RBM6: variants seen among roughly 807,000 people sequenced by gnomAD.
The protein encoded by RBM6 is RNA binding motif protein 6, also known as RNA-binding protein 6.
A neutral mutation model predicts 140.4 loss-of-function variants in RBM6; 23 were observed. The ratio of observed to expected loss-of-function variants is 0.16; its 90% confidence interval spans 0.12 to 0.23. RBM6 has a LOEUF of 0.23. RBM6 is among the 10% of genes least tolerant of loss of function. The pLI, the probability that RBM6 is intolerant of heterozygous loss-of-function variation, is 1.00. For synonymous variants in RBM6, 439 were observed against 475.6 expected, an observed-to-expected ratio of 0.92 and a Z score of 1.00; for missense variants, 1,139 against 1,386.7, an observed-to-expected ratio of 0.82 and a Z score of 2.84.
At chr3:49,954,253 C>T (rs991657387) in intron 1 of RBM6, among the ~76,000 whole-genome samples, 4 of 151,834 alleles carry the variant, frequency 2.6e-5, no homozygotes, top group Non-Finnish European at 4.4e-5. Flanking sequence ...CCCTGGCCAA[C>T]ATGGTGAAAC....
chr3:50,055,331 G>A (rs2089658090), intron 8 of RBM6, among the ~76,000 whole-genome samples: 1 of 152,194 alleles, frequency 6.6e-6, no homozygotes, highest in Non-Finnish European at 1.5e-5. Flanking sequence ...TTGGGAGGCT[G>A]AGACACTAGA....
chr3:49,988,449 T>C (rs895128232), intron 5 of RBM6, among the ~76,000 whole-genome samples: 2 of 151,922 alleles, frequency 1.3e-5, no homozygotes, highest in African/African-American at 4.8e-5. Flanking sequence ...TGGCCTTCTT[T>C]TTTTTTTTTA....
chr3:50,059,209 AC>A (rs1559642876), intron 10 of RBM6: 1 of 152,884 alleles, frequency 6.5e-6, no homozygotes, highest in Non-Finnish European at 1.5e-5. Flanking sequence ...TGATGATAAA[AC>A]ATTTCCTCTT....
intron 5 of RBM6, among the ~76,000 whole-genome samples, 193 bp from the exon 6 acceptor site, chr3:49,999,247 A>G (rs901766142): frequency 6.6e-6 from 1 of 152,090 alleles, no homozygotes. Flanking sequence ...TGAATCTCAA[A>G]GTCCAGAAAC....
intron 1 of RBM6, among the ~76,000 whole-genome samples, chr3:49,947,955 A>G (rs962509335): frequency 1.2e-4 from 19 of 152,282 alleles, no homozygotes; most frequent in African/African-American, 4.3e-4. Flanking sequence ...TTAGCTGGGC[A>G]TGGTGGTGCC....
intron 5 of RBM6, among the ~76,000 whole-genome samples, chr3:49,985,393 T>A (rs575324741): frequency 1.3e-5 from 2 of 152,332 alleles, no homozygotes; most frequent in South Asian, 2.1e-4. Context: ...TGATGCGACC[T>A]ATGCTGCTCA....
chr3:50,035,507 C>A (rs946029392), intron 6 of RBM6, among the ~76,000 whole-genome samples: 1 of 151,766 alleles, frequency 6.6e-6, no homozygotes, highest in Non-Finnish European at 1.5e-5. Context: ...ACGGTGAAAC[C>A]CCGTCTCTAC....
intron 7 of RBM6, 72 bp from the exon 8 acceptor site, chr3:50,054,262 GT>G: frequency 5.6e-6 from 7 of 1,242,026 alleles, no homozygotes; most frequent in Non-Finnish European, 8.3e-6. Context: ...TTTTTGGGGG[GT>G]TTCACTTTGT....
At chr3:49,977,133 T>A (rs1188056027) in intron 5 of RBM6, among the ~76,000 whole-genome samples, 1 of 152,232 alleles carries the variant, frequency 6.6e-6, no homozygotes, top group Non-Finnish European at 1.5e-5. Flanking sequence ...CTTCTTCTTT[T>A]GTCTTACAAA....
At chr3:50,003,309 A>T (rs78877562) in intron 6 of RBM6, among the ~76,000 whole-genome samples, 5 of 3,442 alleles carry the variant, frequency 1.5e-3, no homozygotes, top group Admixed American at 4.2e-3. Flanking sequence ...GTCTAAATTT[A>T]AAAAAAAAAA....
chr3:50,007,725 G>T (rs1283083599), intron 6 of RBM6, among the ~76,000 whole-genome samples: 1 of 151,756 alleles, frequency 6.6e-6, no homozygotes, highest in African/African-American at 2.4e-5. Flanking sequence ...AGTAGAGACG[G>T]GGTTTCACCA....
At chr3:49,989,761 A>T (rs982185395) in intron 5 of RBM6, among the ~76,000 whole-genome samples, 2 of 152,082 alleles carry the variant, frequency 1.3e-5, no homozygotes, top group African/African-American at 4.8e-5. Flanking sequence ...ATTTATTTTG[A>T]TACAGAGTCT....
intron 2 of RBM6, among the ~76,000 whole-genome samples, chr3:49,965,542 C>T (rs768249681): frequency 5.3e-5 from 8 of 151,994 alleles, no homozygotes; most frequent in East Asian, 1.9e-4. Flanking sequence ...TGGTAGCGGG[C>T]GCCTGTAGTC....
Position 50,061,525 on chromosome 3 carries a change from C to G in RBM6, c.2417C>G (p.Thr806Ser), listed in dbSNP as rs1165670435. ...TACTATTATGACCCCTTGGCAGGAA[C>G]TTATTATGACCCCAATACCCAGGTG... The part of the protein sequence containing the change: ...TGYYYDPLAG[T>S]YYDPNTQQEV... The change falls in exon 14 of 21, where the codon ACT becomes AGT. Residue 806 changes from threonine to serine, a missense_variant. Thr to Ser is a moderately conservative substitution (Grantham distance 58). Transcript: ENST00000266022. The G allele has an allele frequency of 6.5e-7, 1 of 1,534,506 alleles. No homozygotes were observed. The highest frequency in any genetic ancestry group is 1.8e-5 in the Admixed American group (1 of 54,758).
intron 2 of RBM6, among the ~76,000 whole-genome samples, chr3:49,963,458 C>T (rs1035062309): frequency 9.2e-5 from 14 of 151,970 alleles, no homozygotes; most frequent in South Asian, 6.2e-4. Flanking sequence ...TGTCTCTTAG[C>T]GAAGGAATAC....
chr3:49,992,580 AG>A (rs2085877638), intron 5 of RBM6, among the ~76,000 whole-genome samples: 1 of 152,238 alleles, frequency 6.6e-6, no homozygotes, highest in Non-Finnish European at 1.5e-5. Context: ...CATATGGAAT[AG>A]CATAGGCCCA....
chr3:49,979,602 G>C (rs764063105), intron 5 of RBM6, among the ~76,000 whole-genome samples: 1 of 151,906 alleles, frequency 6.6e-6, no homozygotes, highest in Non-Finnish European at 1.5e-5. Flanking sequence ...ACCACACCTG[G>C]CTAATTTTTT....
rs771001940 is a variant in RBM6, at chr3:50,061,996, C to T, written c.2474C>T (p.Pro825Leu). The T allele has an allele frequency of 1.2e-6, 2 of 1,613,776 alleles. No individual in the cohort carries two copies. Among genetic ancestry groups the T allele is most frequent in the African/African-American group, 2.7e-5 (2 of 74,932 alleles). The stretch of plus-strand genomic sequence containing the variant: ...TATGTGCCCCAGGATCCTGGATTAC[C>T]TGAGGAAGAAGAGATCAAGGAAAAA... The part of the protein sequence containing the change: ...EVYVPQDPGL[P>L]EEEEIKEKKP... Residue 825 changes from proline (P) to leucine (L), a missense_variant, in exon 15 of 21, where the codon CCT becomes CTT. Around this residue, in one of 9 missense-constraint regions of RBM6, gnomAD observed 163 missense variants for 182.8 expected, o/e 0.89. Coordinates refer to ENST00000266022, the MANE Select transcript of RBM6 (RefSeq NM_005777.3).
chr3:50,056,648 C>G (rs770868311), intron 8 of RBM6, among the ~76,000 whole-genome samples: 13 of 152,172 alleles, frequency 8.5e-5, no homozygotes, highest in Non-Finnish European at 1.2e-4. Flanking sequence ...GATGAGACAG[C>G]TTTAATCTGG....
Sources: allele counts gnomAD v4.1 joint callset (sites outside exome capture counted in the v4.1 genomes callset), GRCh38; gene constraint gnomAD v4.1.1; regional missense constraint gnomAD v4.1.1; transcripts MANE v1.5; gene names NCBI Gene and HGNC (gene_info 2026-07-23, HGNC 2026-07-21).